The following PCDHA1 variants were observed in gnomAD, a reference collection of about 807,000 sequenced individuals.
PCDHA1 encodes the protein protocadherin alpha 1, also known as protocadherin alpha-1.
In PCDHA1, 42 loss-of-function variants were observed where a neutral mutation model predicts 61.3. The ratio of observed to expected loss-of-function variants is 0.69; its 90% confidence interval spans 0.54 to 0.89. The LOEUF is 0.89. PCDHA1 is among the 40% of genes least tolerant of loss of function. The probability of loss-of-function intolerance (pLI) is 0.00; values close to 1 mark genes in which losing one functional copy is unlikely to be tolerated. For synonymous variants in PCDHA1, 610 were observed against 553.8 expected (o/e 1.10, Z -1.43); for missense variants, 1,256 against 1,235.3 (o/e 1.02, Z -0.25).
intron 1 of PCDHA1, chr5:140,824,141 T>A: frequency 1.2e-6 from 2 of 1,612,188 alleles, no homozygotes; most frequent in Non-Finnish European, 1.7e-6. Flanking sequence ...AGTTTTCTAA[T>A]ATTAACATCC....
At chr5:140,827,991 T>A (rs1173902795) in intron 1 of PCDHA1, 2 of 1,469,000 alleles carry the variant, frequency 1.4e-6, no homozygotes, top group African/African-American at 1.4e-5. Flanking sequence ...TGTTGAATGA[T>A]GGCGGACGCA....
chr5:140,981,981 A>G (rs2096960839), intron 2 of PCDHA1, among the ~76,000 whole-genome samples: 1 of 152,208 alleles, frequency 6.6e-6, no homozygotes, highest in Non-Finnish European at 1.5e-5. Flanking sequence ...GAAAGAGTAA[A>G]ATAGAAAATA....
At chr5:140,921,366 A>C (rs1415562044) in intron 1 of PCDHA1, among the ~76,000 whole-genome samples, 1 of 152,140 alleles carries the variant, frequency 6.6e-6, no homozygotes, top group African/African-American at 2.4e-5. Flanking sequence ...TTCAAGTTTC[A>C]TATTTCTACA....
intron 1 of PCDHA1, chr5:140,882,402 T>A (rs782437506): frequency 3.7e-6 from 6 of 1,614,052 alleles, no homozygotes; most frequent in South Asian, 1.1e-5. Flanking sequence ...GGCACCTTCG[T>A]GGGCCGCATC....
chr5:140,817,143 T>A (rs1554127220), intron 1 of PCDHA1: 1 of 152,238 alleles, frequency 6.6e-6, no homozygotes, highest in African/African-American at 2.4e-5. Flanking sequence ...ATATGCCAGG[T>A]TCCATCAGTG....
At chr5:140,872,606 AT>A (rs1302987061) in intron 1 of PCDHA1, among the ~76,000 whole-genome samples, 2 of 151,888 alleles carry the variant, frequency 1.3e-5, no homozygotes, top group African/African-American at 2.4e-5. Flanking sequence ...TGAAAAAATA[AT>A]TTTTTTTGCC....
At position 140,870,217 on chromosome 5, in the gene PCDHA1, A is replaced by G. The variant is rs911086777; in HGVS notation, c.2394+81533A>G. On this transcript the variant is annotated intron_variant, in intron 1 of 3. Coordinates refer to ENST00000504120, the MANE Select transcript of PCDHA1 (RefSeq NM_018900.4). ...GCCCAGCACGGTCATTGCCCTGATC[A>G]GCGTGTCTGACCGTGACTCAGGTGT... The G allele has an allele frequency of 5.6e-6, 9 of 1,614,144 alleles. No individual in the cohort carries two copies. The highest frequency in any genetic ancestry group is 3.3e-5 in the Admixed American group (2 of 60,034).
At chr5:140,875,878 A>T in intron 1 of PCDHA1, 1 of 1,614,212 alleles carries the variant, frequency 6.2e-7, no homozygotes, top group Non-Finnish European at 8.5e-7. Flanking sequence ...GTTCAGAGAA[A>T]GGGAACAAAA....
chr5:140,938,843 C>T (rs1232774282), intron 1 of PCDHA1, among the ~76,000 whole-genome samples: 3 of 152,012 alleles, frequency 2.0e-5, no homozygotes, highest in Admixed American at 6.6e-5. Flanking sequence ...AACAAACCTG[C>T]CCATGTACCC....
chr5:140,884,811 T>C (rs782097563), intron 1 of PCDHA1: 155 of 1,119,034 alleles, frequency 1.4e-4, no homozygotes, highest in Non-Finnish European at 1.9e-4. Context: ...AACTCTGCTG[T>C]GGACATTATG....
At chr5:140,822,120 T>G in intron 1 of PCDHA1, 1 of 1,614,188 alleles carries the variant, frequency 6.2e-7, no homozygotes, top group Non-Finnish European at 8.5e-7. Context: ...CGCTGCAGGT[T>G]TTCCATGTGG....
chr5:140,871,695 T>C (rs1250599377), intron 1 of PCDHA1: 7 of 974,792 alleles, frequency 7.2e-6, no homozygotes, highest in Non-Finnish European at 8.8e-6. Flanking sequence ...CTGGCTTCTT[T>C]AACCAATAAA....
At chr5:140,949,231 C>G (rs971361200) in intron 1 of PCDHA1, among the ~76,000 whole-genome samples, 11 of 151,628 alleles carry the variant, frequency 7.3e-5, no homozygotes, top group African/African-American at 2.4e-4. Flanking sequence ...TGTTCTGTGG[C>G]CCAGCAACAG....
chr5:140,991,838 G>T (rs1056330823), intron 3 of PCDHA1, among the ~76,000 whole-genome samples: 1 of 152,110 alleles, frequency 6.6e-6, no homozygotes, highest in Non-Finnish European at 1.5e-5. Context: ...CGGCAGAACC[G>T]CACTTCCAGA....
At chr5:140,853,227 T>C in intron 1 of PCDHA1, 1 of 983,234 alleles carries the variant, frequency 1.0e-6, no homozygotes, top group Non-Finnish European at 1.2e-6. Context: ...GATTGGTAAT[T>C]TAGTCCTTCA....
At chr5:140,840,486 A>G (rs1263185469) in intron 1 of PCDHA1, among the ~76,000 whole-genome samples, 5 of 152,034 alleles carry the variant, frequency 3.3e-5, no homozygotes, top group Admixed American at 3.3e-4. Context: ...TAAAGGCATA[A>G]TTCTGGTAAA....
intron 1 of PCDHA1, chr5:140,969,456 A>G (rs963968770): frequency 4.0e-6 from 6 of 1,508,992 alleles, no homozygotes; most frequent in Admixed American, 2.2e-5. Flanking sequence ...CTGAGTATAT[A>G]TAGTATCCAC....
chr5:140,844,871 C>A (rs1779583904), intron 1 of PCDHA1, among the ~76,000 whole-genome samples: 2 of 149,246 alleles, frequency 1.3e-5, no homozygotes, highest in African/African-American at 4.9e-5. Context: ...ATATTAAATA[C>A]CCATTAGACT....
intron 1 of PCDHA1, among the ~76,000 whole-genome samples, chr5:140,941,191 T>TTTTTTTCTTTCTTTCTTTC (rs1554213809): frequency 2.1e-5 from 2 of 93,258 alleles, no homozygotes; most frequent in Admixed American, 1.2e-4. Context: ...GCTTCTTTTT[T>TTTTTTTCTTTCTTTCTTTC]TTTCTTTCTT....
Sources: allele counts gnomAD v4.1 joint callset (sites outside exome capture counted in the v4.1 genomes callset), GRCh38; gene constraint gnomAD v4.1.1; transcripts MANE v1.5; gene names NCBI Gene and HGNC (gene_info 2026-07-23, HGNC 2026-07-21).